DEPDC7: variants seen among roughly 807,000 people sequenced by gnomAD.
The protein encoded by DEPDC7 is DEP domain-containing protein 7.
In DEPDC7, 41 loss-of-function variants were observed where a neutral mutation model predicts 56.6. The observed-to-expected ratio is 0.72, with a 90% CI of 0.56 to 0.94. The LOEUF (loss-of-function observed/expected upper bound fraction) is 0.94, where lower values mean the gene tolerates loss of function less well. Among genes scored for constraint, DEPDC7 ranks in the 40% least tolerant of loss-of-function variants. The probability of loss-of-function intolerance (pLI) is 0.00; values close to 1 mark genes in which losing one functional copy is unlikely to be tolerated. For missense variants in DEPDC7, 522 were observed against 596.3 expected, an observed-to-expected ratio of 0.88 and a Z score of 1.30; for synonymous variants, 185 against 208.8, an observed-to-expected ratio of 0.89 and a Z score of 0.98.
intron 1 of DEPDC7, among the ~76,000 whole-genome samples, chr11:33,020,725 A>C (rs1410086882): frequency 1.3e-5 from 2 of 152,064 alleles, no homozygotes; most frequent in Non-Finnish European, 2.9e-5. Flanking sequence ...GTAACCTCGA[A>C]CTCCTGGCCT....
At chr11:33,016,457 C>A in intron 1 of DEPDC7, 1 of 1,595,108 alleles carries the variant, frequency 6.3e-7, no homozygotes, top group Non-Finnish European at 8.5e-7. Flanking sequence ...GGCCAGGGGC[C>A]GAGCTCCTCC....
At chr11:33,016,953 C>T (rs565166428) in intron 1 of DEPDC7, among the ~76,000 whole-genome samples, 1 of 152,290 alleles carries the variant, frequency 6.6e-6, no homozygotes, top group East Asian at 1.9e-4. Flanking sequence ...TGACAAAAGC[C>T]TTTCATTTGT....
intron 4 of DEPDC7, among the ~76,000 whole-genome samples, chr11:33,030,185 C>G (rs1173208173): frequency 2.0e-5 from 3 of 152,144 alleles, no homozygotes; most frequent in East Asian, 3.9e-4. Flanking sequence ...GTCTTGAACT[C>G]CCGACCTTGT....
At chr11:33,022,461 A>G (rs538288681) in intron 1 of DEPDC7, among the ~76,000 whole-genome samples, 3 of 152,322 alleles carry the variant, frequency 2.0e-5, no homozygotes, top group East Asian at 1.9e-4. Flanking sequence ...CAGAGCCTCA[A>G]TTTCCTCAAA....
At chr11:33,016,688 C>G in intron 1 of DEPDC7, 1 of 1,156,972 alleles carries the variant, frequency 8.6e-7, no homozygotes, top group Non-Finnish European at 1.3e-6. Flanking sequence ...CAAATTCTGC[C>G]ACGGGCCTAA....
At position 33,015,911 on chromosome 11, in the gene DEPDC7, A is replaced by T. The variant is rs1196588121; in HGVS notation, c.-45A>T. 3.3e-6 allele frequency: 5 copies of T among 1,532,900 alleles called. No individual in the cohort carries two copies. In the African/African-American group the frequency reaches 4.2e-5, roughly 13 times the overall value. The allele number at this position is 1,532,900 out of a possible 1,614,324, so 95.0% of individuals were successfully genotyped here. On this transcript the variant is annotated 5_prime_UTR_variant, in exon 1 of 9. Transcript: ENST00000241051. ...CAGACGGGCGCTCAGGGAGCTAGGG[A>T]GCTGTGAAGCTGCTGGAGGAGTTGG...
At chr11:33,018,283 A>G (rs894182089) in intron 1 of DEPDC7, among the ~76,000 whole-genome samples, 2 of 152,210 alleles carry the variant, frequency 1.3e-5, no homozygotes, top group Admixed American at 6.5e-5. Flanking sequence ...TTCTCTTTAC[A>G]TTTATCTATT....
Position 33,032,665 on chromosome 11 carries a change from T to C in DEPDC7, c.1138-3T>C, listed in dbSNP as rs1485456218. The C allele has an allele frequency of 6.4e-7, 1 of 1,563,172 alleles. No individual in the cohort carries two copies. Among genetic ancestry groups the C allele is most frequent in the Non-Finnish European group, 8.6e-7 (1 of 1,156,186 alleles). On this transcript the variant is annotated splice_region_variant and splice_polypyrimidine_tract_variant and intron_variant, in intron 6 of 8. Coordinates refer to ENST00000241051, the MANE Select transcript of DEPDC7 (RefSeq NM_001077242.2). ...ATTGGATATATTTGTTTTATTTTTA[T>C]AGAGTGACAACCGAATGGTTGTGAA...
In DEPDC7 at chr11:33,019,271, C is replaced by T. The variant is rs1444799279; in HGVS notation, c.73+3243C>T. On this transcript the variant is annotated intron_variant, in intron 1 of 8. Coordinates refer to ENST00000241051, the MANE Select transcript of DEPDC7 (RefSeq NM_001077242.2). ...CATCCCTCTACCCACTGGATGCCAG[C>T]AATACCCACACTCATTGTGACAATC... 5.3e-5 allele frequency among the ~76,000 whole-genome samples: 8 copies of T among 152,296 alleles called. No homozygotes were observed. In the East Asian group the frequency reaches 1.5e-3, roughly 29 times the overall value.
At chr11:33,016,197 C>T (rs1853458224) in intron 1 of DEPDC7, 169 bp downstream of exon 1, 2 of 1,268,172 alleles carry the variant, frequency 1.6e-6, no homozygotes, top group Non-Finnish European at 2.0e-6. Context: ...CCCCGCCGAG[C>T]GGGCGGATCG....
chr11:33,015,970 G>A lies in DEPDC7; in HGVS notation c.15G>A (p.Gln5=), dbSNP rs1323988716. The change falls in exon 1 of 9, where the codon CAG becomes CAA. Residue 5 remains glutamine, a synonymous_variant. Transcript: ENST00000241051. ...GAGCAAGGGCCATGGCCACCGTGCA[G>A]GAGAAGGCTGCTGCGCTGAACCTCT... is the stretch of plus-strand genomic sequence containing the variant. The part of the protein sequence containing the change: MATV[Q]EKAAALNLSA... 11 of 1,579,278 alleles carry A rather than the reference G, an allele frequency of 7.0e-6. No homozygotes were observed. Among genetic ancestry groups the A allele is most frequent in the Non-Finnish European group, 8.6e-6 (10 of 1,163,526 alleles).
intron 1 of DEPDC7, 40 bp from the exon 2 acceptor site, chr11:33,025,619 G>A (rs561420236): frequency 1.9e-6 from 3 of 1,566,458 alleles, no homozygotes; most frequent in East Asian, 2.3e-5. Flanking sequence ...AATGAACAAG[G>A]TACTAAATCC....
intron 3 of DEPDC7, 69 bp downstream of exon 3, chr11:33,027,882 T>A: frequency 7.2e-7 from 1 of 1,391,838 alleles, no homozygotes; most frequent in Non-Finnish European, 9.5e-7. Context: ...TTTTTTAATC[T>A]TAATCTTTAT....
chr11:33,032,794 G>A lies in DEPDC7; in HGVS notation c.1263+1G>A. 6.3e-7 allele frequency: 1 copy of A among 1,593,626 alleles called. No homozygotes were observed. The highest frequency in any genetic ancestry group is 1.2e-5 in the South Asian group (1 of 86,422). ...GGATCATCAGAAAGATGTTTTTAAGGTAAAATTGTGAAAGTAGTTAAATTG... is the reference window on the plus strand; with the variant it reads ...GGATCATCAGAAAGATGTTTTTAAGATAAAATTGTGAAAGTAGTTAAATTG... On this transcript the variant is annotated splice_donor_variant, in intron 7 of 8. Coordinates refer to ENST00000241051, the MANE Select transcript of DEPDC7 (RefSeq NM_001077242.2). LOFTEE classifies it high-confidence loss of function.
At chr11:33,026,773 T>TTTTTTTC (rs1554938357) in intron 2 of DEPDC7, 2 of 146,508 alleles carry the variant, frequency 1.4e-5, no homozygotes, top group Non-Finnish European at 3.0e-5. Context: ...TGGCTAATTT[T>TTTTTTTC]TTTTCTTTTC....
At chr11:33,032,542 G>GATT in intron 6 of DEPDC7, 64 bp downstream of exon 6, 1 of 1,423,824 alleles carries the variant, frequency 7.0e-7, no homozygotes, top group Non-Finnish European at 9.5e-7. Context: ...TTAAGTATTA[G>GATT]ATTATTCCAT....
intron 1 of DEPDC7, among the ~76,000 whole-genome samples, chr11:33,021,290 G>A (rs1262352620): frequency 6.6e-6 from 1 of 151,806 alleles, no homozygotes; most frequent in Non-Finnish European, 1.5e-5. Flanking sequence ...TTGACCAAAT[G>A]TAAGGAAGCA....
intron 1 of DEPDC7, chr11:33,016,413 CCT>C (rs1853461808): frequency 8.5e-6 from 13 of 1,529,250 alleles, no homozygotes; most frequent in Non-Finnish European, 1.1e-5. Context: ...TTCTTTGCCC[CCT>C]GTCTCAACCA....
At chr11:33,031,150 G>T (rs150595174) in intron 4 of DEPDC7, among the ~76,000 whole-genome samples, 1 of 152,086 alleles carries the variant, frequency 6.6e-6, no homozygotes, top group Non-Finnish European at 1.5e-5. Flanking sequence ...GTTTGTTTTC[G>T]TGAAAAAGGA....
Sources: allele counts gnomAD v4.1 joint callset (sites outside exome capture counted in the v4.1 genomes callset), GRCh38; gene constraint gnomAD v4.1.1; transcripts MANE v1.5; gene names NCBI Gene and HGNC (gene_info 2026-07-23, HGNC 2026-07-21).